Variants in PTPRO observed in about 807,000 individuals in gnomAD.
PTPRO encodes the protein receptor-type tyrosine-protein phosphatase O.
In PTPRO, 62 loss-of-function variants were observed where a neutral mutation model predicts 145.2. That is an observed-to-expected ratio of 0.43 (90% CI 0.35 to 0.53). The LOEUF is 0.53. Ranked by LOEUF, PTPRO falls within the 20% of genes least tolerant of loss-of-function variation. The pLI is 0.01. For missense variants in PTPRO, 1,345 were observed against 1,482.7 expected (o/e 0.91, Z 1.53); for synonymous variants, 565 against 514.7 (o/e 1.10, Z -1.32).
intron 1 of PTPRO, among the ~76,000 whole-genome samples, chr12:15,472,686 A>G (rs1258865005): frequency 6.6e-6 from 1 of 152,186 alleles, no homozygotes; most frequent in Non-Finnish European, 1.5e-5. Context: ...ATTGGCCAGG[A>G]TATTTGGATG....
At chr12:15,393,402 G>A (rs1341928478) in intron 1 of PTPRO, among the ~76,000 whole-genome samples, 5 of 152,018 alleles carry the variant, frequency 3.3e-5, no homozygotes, top group African/African-American at 9.7e-5. Flanking sequence ...AACTTCTCAG[G>A]CCCAATATTG....
chr12:15,581,582 T>C (rs1944318611), intron 22 of PTPRO, 97 bp from the exon 23 acceptor site: 7 of 1,430,848 alleles, frequency 4.9e-6, no homozygotes, highest in Non-Finnish European at 6.8e-6. Flanking sequence ...TCCTATCTAA[T>C]TCTTTAGAGG....
At chr12:15,461,562 A>G (rs1941302414) in intron 1 of PTPRO, among the ~76,000 whole-genome samples, 1 of 128,584 alleles carries the variant, frequency 7.8e-6, no homozygotes, top group African/African-American at 2.8e-5. Context: ...ATTTATTGCT[A>G]TAGCTTTTTT....
At position 15,331,965 on chromosome 12, in the gene PTPRO, T is replaced by TC. The variant is rs1441187340; in HGVS notation, c.75+9164_75+9165insC. Among the ~76,000 whole-genome samples, 792 of 141,138 alleles carry TC rather than the reference T, an allele frequency of 5.6e-3. 6 individuals carry two copies. The highest frequency in any genetic ancestry group is 0.021 in the African/African-American group (769 of 36,674). The allele number at this position is 141,138 out of a possible 152,430, so 92.6% of individuals were successfully genotyped here. A position where few individuals can be genotyped will look rare whatever the true frequency, so the allele number is the denominator to read the frequency against. The stretch of plus-strand genomic sequence containing the variant: ...TCCTTTTTGTTTCTCTTTCTTTCTT[T>TC]TTTTTTTTTTTTTTTTTGACAGAGT... On this transcript the variant is annotated intron_variant, in intron 1 of 26. Transcript: ENST00000281171.
chr12:15,331,363 G>GCC (rs1429129072), intron 1 of PTPRO, among the ~76,000 whole-genome samples: 1 of 152,156 alleles, frequency 6.6e-6, no homozygotes, highest in Non-Finnish European at 1.5e-5. Flanking sequence ...TAAAAAAGCA[G>GCC]CCCCTTATCT....
chr12:15,479,048 G>A (rs1941722502), intron 1 of PTPRO, among the ~76,000 whole-genome samples: 1 of 152,160 alleles, frequency 6.6e-6, no homozygotes, highest in Non-Finnish European at 1.5e-5. Context: ...TGAATGTGCG[G>A]AAAGACTCCA....
chr12:15,446,451 C>T (rs1940905129), intron 1 of PTPRO, among the ~76,000 whole-genome samples: 1 of 152,024 alleles, frequency 6.6e-6, no homozygotes, highest in South Asian at 2.1e-4. Flanking sequence ...ATGGGAGACT[C>T]ATTCCGTTCT....
intron 1 of PTPRO, among the ~76,000 whole-genome samples, chr12:15,479,915 G>A (rs1044816551): frequency 1.3e-5 from 2 of 152,180 alleles, no homozygotes; most frequent in Non-Finnish European, 1.5e-5. Flanking sequence ...GCACCCATGA[G>A]CCAAGGGGTC....
At chr12:15,553,678 T>C (rs1406714466) in intron 15 of PTPRO, among the ~76,000 whole-genome samples, 4 of 152,188 alleles carry the variant, frequency 2.6e-5, no homozygotes, top group Non-Finnish European at 5.9e-5. Flanking sequence ...GAGCAGAAGA[T>C]TAACAGCATC....
intron 1 of PTPRO, among the ~76,000 whole-genome samples, chr12:15,421,254 CTA>C (rs1940137206): frequency 6.6e-6 from 1 of 152,094 alleles, no homozygotes; most frequent in Non-Finnish European, 1.5e-5. Context: ...ACTTATTTTC[CTA>C]TCTTTCCTTC....
chr12:15,416,131 C>T, intron 1 of PTPRO, among the ~76,000 whole-genome samples: 1 of 151,592 alleles, frequency 6.6e-6, no homozygotes, highest in East Asian at 1.9e-4. Flanking sequence ...GTGTCTAGCT[C>T]ATATTCATTA....
chr12:15,374,944 G>A (rs900939916), intron 1 of PTPRO, among the ~76,000 whole-genome samples: 29 of 152,308 alleles, frequency 1.9e-4, no homozygotes, highest in East Asian at 5.8e-4. Context: ...TGTACCAGGA[G>A]GAAGTGAAGG....
rs568932436 is a variant in PTPRO, at chr12:15,368,451, AATTG to A, written c.75+45666_75+45669del. On this transcript the variant is annotated intron_variant, in intron 1 of 26. Coordinates refer to ENST00000281171, the MANE Select transcript of PTPRO (RefSeq NM_030667.3). ...CACTTTTGCCACTGAATCACTGCAT[AATTG>A]ATTGATTGATTGATTTTTATTGATT... Among the ~76,000 whole-genome samples the A allele has an allele frequency of 6.1e-3, 922 of 152,250 alleles. 4 individuals carry two copies. The highest frequency in any genetic ancestry group is 0.011 in the Admixed American group (166 of 15,298).
intron 1 of PTPRO, among the ~76,000 whole-genome samples, chr12:15,483,428 G>C (rs931059226): frequency 6.6e-6 from 1 of 152,088 alleles, no homozygotes; most frequent in Non-Finnish European, 1.5e-5. Flanking sequence ...AAGAGATTAT[G>C]CTGGTTAATC....
At position 15,589,510 on chromosome 12, in the gene PTPRO, A is replaced by T. The variant is rs755583303; in HGVS notation, c.3466A>T (p.Ile1156Phe). ...FIALDRLLQHIRDHEFVDILG... is the reference protein window; with the variant it reads ...FIALDRLLQHFRDHEFVDILG... ...TGCCCTGGACAGGCTCTTGCAGCAC[A>T]TTCGGGATCATGAGTTTGTTGACAT... The change falls in exon 25 of 27, where the codon ATT becomes TTT. Residue 1156 changes from isoleucine (I) to phenylalanine (F), a missense_variant. This residue lies in a region of PTPRO where 208 missense variants were observed against 242.8 expected (regional missense o/e 0.86). Transcript: ENST00000281171. 1 of 1,614,034 alleles carries T rather than the reference A, an allele frequency of 6.2e-7. No individual in the cohort carries two copies. The highest frequency in any genetic ancestry group is 1.3e-5 in the African/African-American group (1 of 74,928).
intron 1 of PTPRO, among the ~76,000 whole-genome samples, chr12:15,446,174 C>A (rs1940896042): frequency 6.6e-6 from 1 of 152,068 alleles, no homozygotes; most frequent in African/African-American, 2.4e-5. Context: ...CAAATAATCT[C>A]AAGCCTTTTC....
intron 1 of PTPRO, among the ~76,000 whole-genome samples, chr12:15,478,542 T>G (rs1244975933): frequency 6.6e-6 from 1 of 152,172 alleles, no homozygotes; most frequent in African/African-American, 2.4e-5. Flanking sequence ...TGCGCATGTG[T>G]GTTTAATTTG....
intron 1 of PTPRO, among the ~76,000 whole-genome samples, chr12:15,461,003 A>G (rs1941288523): frequency 6.6e-6 from 1 of 152,128 alleles, no homozygotes; most frequent in Non-Finnish European, 1.5e-5. Flanking sequence ...AACTTGAGAC[A>G]CCAGTTCTTG....
intron 23 of PTPRO, among the ~76,000 whole-genome samples, chr12:15,586,526 G>C (rs887343061): frequency 1.3e-5 from 2 of 152,204 alleles, no homozygotes; most frequent in East Asian, 3.8e-4. Context: ...ACTGGGAAAA[G>C]TGTGTCCCAG....
Sources: gnomAD v4.1 joint callset for allele counts (sites outside exome capture counted in the v4.1 genomes callset) on GRCh38, gnomAD v4.1.1 for gene constraint, gnomAD v4.1.1 regional missense constraint, MANE v1.5 for transcripts, NCBI Gene and HGNC (gene_info 2026-07-23, HGNC 2026-07-21) for gene names.